Variants in ZNF76 observed in about 807,000 individuals in gnomAD.
ZNF76 encodes the protein zinc finger protein 76, also known as zinc finger protein 523.
Under a neutral mutation model 66.9 loss-of-function variants are expected in ZNF76, and 66 were observed. The ratio of observed to expected loss-of-function variants is 0.99; its 90% CI spans 0.81 to 1.21. ZNF76 has a LOEUF of 1.21. Ranked by LOEUF, ZNF76 falls within the 50% of genes most tolerant of loss-of-function variation. The pLI, the probability that ZNF76 is intolerant of heterozygous loss-of-function variation, is 0.00. For missense variants in ZNF76, 729 were observed against 760.3 expected (o/e 0.96, Z 0.48); for synonymous variants, 275 against 296.1 (o/e 0.93, Z 0.73).
intron 2 of ZNF76, among the ~76,000 whole-genome samples, chr6:35,284,080 T>A (rs1789167827): frequency 6.6e-6 from 1 of 152,168 alleles, no homozygotes; most frequent in South Asian, 2.1e-4. Context: ...TCATTAACTT[T>A]TTTTTTATTT....
chr6:35,293,693 G>T (rs956672470), intron 11 of ZNF76, 58 bp from the exon 12 acceptor site: 4 of 1,583,152 alleles, frequency 2.5e-6, no homozygotes, highest in Non-Finnish European at 3.4e-6. Flanking sequence ...TCTTCCTTAG[G>T]GACTTTCAGA....
intron 1 of ZNF76, among the ~76,000 whole-genome samples, chr6:35,266,862 G>GC (rs1340916125): frequency 9.6e-5 from 14 of 146,546 alleles, no homozygotes; most frequent in African/African-American, 3.3e-4. Flanking sequence ...GTGCAGTGGC[G>GC]CCATCTCGGC....
chr6:35,290,489 G>A (rs1790222570), intron 6 of ZNF76, 107 bp downstream of exon 6: 1 of 1,547,726 alleles, frequency 6.5e-7, no homozygotes, highest in African/African-American at 1.4e-5. Flanking sequence ...CGTTGCTGGA[G>A]GGAAGAAATG....
intron 1 of ZNF76, among the ~76,000 whole-genome samples, chr6:35,273,777 A>G (rs1317039395): frequency 2.0e-5 from 3 of 151,712 alleles, no homozygotes; most frequent in African/African-American, 7.3e-5. Context: ...GCTGGTCTCA[A>G]ACTCCTGGGC....
intron 2 of ZNF76, among the ~76,000 whole-genome samples, chr6:35,284,021 C>T (rs975850321): frequency 6.6e-6 from 1 of 152,158 alleles, no homozygotes; most frequent in African/African-American, 2.4e-5. Context: ...CCCACCTGAG[C>T]GCTCAGTTTC....
At chr6:35,293,436 G>C (rs999656824) in intron 11 of ZNF76, among the ~76,000 whole-genome samples, 2 of 152,180 alleles carry the variant, frequency 1.3e-5, no homozygotes, top group African/African-American at 4.8e-5. Context: ...CCTGACCCTT[G>C]TCCGTACCCT....
intron 6 of ZNF76, 79 bp downstream of exon 6, chr6:35,290,461 A>G: frequency 6.3e-7 from 1 of 1,588,258 alleles, no homozygotes. Flanking sequence ...CTTTGATTGG[A>G]ATTGGTCCCT....
At chr6:35,271,045 G>A (rs1045203398) in intron 1 of ZNF76, among the ~76,000 whole-genome samples, 9 of 152,156 alleles carry the variant, frequency 5.9e-5, no homozygotes, top group African/African-American at 1.7e-4. Context: ...TGGAGATCTT[G>A]CCATGTCAAT....
At position 35,292,506 on chromosome 6, in the gene ZNF76, C is replaced by T; in HGVS notation, c.932-48C>T. 1 of 1,607,220 alleles carries T rather than the reference C, an allele frequency of 6.2e-7. No homozygotes were observed. Among genetic ancestry groups the T allele is most frequent in the Non-Finnish European group, 8.5e-7 (1 of 1,175,562 alleles). On this transcript the variant is annotated intron_variant, in intron 9 of 13. Coordinates refer to ENST00000373953, the MANE Select transcript of ZNF76 (RefSeq NM_003427.5). The surrounding 1 kb of genome is among the most constrained non-coding windows in gnomAD (Gnocchi z 4.7). ...CCTCACCCCTGTCCCCTTAGTTTCC[C>T]CCTTGCCAGCCCCAGTTCCCACCCC...
chr6:35,290,506 C>G (rs1255225227), intron 6 of ZNF76, 124 bp downstream of exon 6: 74 of 1,519,064 alleles, frequency 4.9e-5, no homozygotes, highest in Non-Finnish European at 6.6e-5. Context: ...AATGAGGGTA[C>G]ACAGGAATGC....
rs1351950435 is a variant in ZNF76 at position 35,292,296 on chromosome 6, A to T, written c.932-258A>T. 5.8e-6 allele frequency: 3 copies of T among 513,382 alleles called. No individual in the cohort carries two copies. Among genetic ancestry groups the T allele is most frequent in the Non-Finnish European group, 1.1e-5 (3 of 282,958 alleles). The allele number at this position is 513,382 out of a possible 1,614,324, so 31.8% of individuals were successfully genotyped here. On this transcript the variant is annotated intron_variant, in intron 9 of 13. Coordinates refer to ENST00000373953, the MANE Select transcript of ZNF76 (RefSeq NM_003427.5). This position sits in a 1 kb window ranked among gnomAD's most constrained non-coding sequence, Gnocchi z 4.7. ...CTTATAAGCCCCAGTGCCCCCTACC[A>T]GCCCCTTCACTAGCCCCAGCCTTGC... is the stretch of plus-strand genomic sequence containing the variant.
At chr6:35,291,816 TC>T in intron 9 of ZNF76, 79 bp downstream of exon 9, 1 of 1,522,676 alleles carries the variant, frequency 6.6e-7, no homozygotes, top group African/African-American at 1.4e-5. Context: ...TAAGACACAT[TC>T]CCAACTCCCA....
intron 1 of ZNF76, among the ~76,000 whole-genome samples, chr6:35,272,142 T>G (rs1313654028): frequency 6.6e-6 from 1 of 151,958 alleles, no homozygotes; most frequent in Non-Finnish European, 1.5e-5. Context: ...TGAAGACTAC[T>G]GCATTAAAAA....
At chr6:35,286,237 G>A in intron 3 of ZNF76, 29 bp downstream of exon 3, 1 of 1,613,920 alleles carries the variant, frequency 6.2e-7, no homozygotes, top group East Asian at 2.2e-5. Flanking sequence ...ACCATGCCTT[G>A]TCGAGGGAAG....
intron 1 of ZNF76, among the ~76,000 whole-genome samples, chr6:35,277,348 C>T (rs1788069343): frequency 6.6e-6 from 1 of 152,176 alleles, no homozygotes; most frequent in Non-Finnish European, 1.5e-5. Context: ...TGGTTCTTCA[C>T]CATTAATCCC....
At chr6:35,276,295 G>A (rs1398702763) in intron 1 of ZNF76, among the ~76,000 whole-genome samples, 4 of 152,182 alleles carry the variant, frequency 2.6e-5, no homozygotes, top group Non-Finnish European at 5.9e-5. Context: ...AGATAGAATC[G>A]AGATTAGAAG....
At chr6:35,270,071 A>T (rs1025815330) in intron 1 of ZNF76, among the ~76,000 whole-genome samples, 3 of 152,236 alleles carry the variant, frequency 2.0e-5, no homozygotes, top group Non-Finnish European at 4.4e-5. Flanking sequence ...CAAAGCATGC[A>T]TTTAGACTTT....
chr6:35,290,801 G>T, intron 7 of ZNF76, 85 bp downstream of exon 7: 1 of 1,324,220 alleles, frequency 7.6e-7, no homozygotes, highest in Non-Finnish European at 1.1e-6. Context: ...CCCAACACCA[G>T]GCTGCTTTCC....
Position 35,291,638 on chromosome 6 carries a change from A to G in ZNF76, c.832A>G (p.Thr278Ala), listed in dbSNP as rs1362334598. ...TAACATCCGCAAGGTACATGTGCGC[A>G]CCCACACAGGCGAGAGGCCCTACAC... ...TSNIRKVHVRTHTGERPYTCP... is the reference protein window; with the variant it reads ...TSNIRKVHVRAHTGERPYTCP... Residue 278 changes from threonine (T) to alanine (A), a missense_variant, in exon 9 of 14, where the codon ACC becomes GCC. Transcript: ENST00000373953. 6.2e-7 allele frequency: 1 copy of G among 1,613,858 alleles called. No individual in the cohort carries two copies. Among genetic ancestry groups the G allele is most frequent in the Non-Finnish European group, 8.5e-7 (1 of 1,179,952 alleles).
Sources: gnomAD v4.1 joint callset for allele counts (sites outside exome capture counted in the v4.1 genomes callset) on GRCh38, gnomAD v4.1.1 for gene constraint, Gnocchi (gnomAD v3.1) non-coding constraint, MANE v1.5 for transcripts, NCBI Gene and HGNC (gene_info 2026-07-23, HGNC 2026-07-21) for gene names.